The following FAT3 variants were observed in gnomAD, a reference collection of about 807,000 sequenced individuals.
FAT3 encodes FAT atypical cadherin 3, also known as protocadherin Fat 3.
In FAT3, 95 loss-of-function variants were observed where a neutral mutation model predicts 310.2. The observed-to-expected ratio is 0.31, with a 90% confidence interval of 0.26 to 0.36. FAT3 has a LOEUF of 0.36. Ranked by LOEUF, FAT3 falls within the 10% of genes least tolerant of loss-of-function variation. The pLI, the probability that FAT3 is intolerant of heterozygous loss-of-function variation, is 1.00. For synonymous variants in FAT3, 2,314 were observed against 2,192.9 expected (o/e 1.06, Z -1.54); for missense variants, 5,408 against 5,715.6 (o/e 0.95, Z 1.74).
chr11:92,348,186 T>C (rs1948467227), intron 1 of FAT3, among the ~76,000 whole-genome samples: 1 of 152,142 alleles, frequency 6.6e-6, no homozygotes, highest in South Asian at 2.1e-4. Flanking sequence ...TTAAAAGATA[T>C]TTTGTTTTCA....
chr11:92,601,777 T>G (rs1940038691), intron 3 of FAT3, among the ~76,000 whole-genome samples: 1 of 152,178 alleles, frequency 6.6e-6, no homozygotes, highest in South Asian at 2.1e-4. Flanking sequence ...CCGTTTGTCC[T>G]TCTGCACCAG....
chr11:92,690,824 G>A (rs186408398), intron 3 of FAT3, among the ~76,000 whole-genome samples: 2 of 152,270 alleles, frequency 1.3e-5, no homozygotes, highest in African/African-American at 4.8e-5. Context: ...GGGCTGAAGG[G>A]AAAGAGGTGG....
chr11:92,467,866 C>T (rs1296817838), intron 2 of FAT3, among the ~76,000 whole-genome samples: 1 of 152,144 alleles, frequency 6.6e-6, no homozygotes, highest in Non-Finnish European at 1.5e-5. Context: ...AAGTAAAATA[C>T]AAATATTAAC....
intron 1 of FAT3, among the ~76,000 whole-genome samples, chr11:92,229,894 A>T (rs1302108561): frequency 1.3e-5 from 2 of 151,902 alleles, no homozygotes; most frequent in East Asian, 3.9e-4. Flanking sequence ...TCAGAACTTA[A>T]TCAATTAAAC....
At chr11:92,307,291 A>G (rs1947166866) in intron 1 of FAT3, among the ~76,000 whole-genome samples, 1 of 152,048 alleles carries the variant, frequency 6.6e-6, no homozygotes, top group Non-Finnish European at 1.5e-5. Context: ...CACAGAAGAA[A>G]ACAACATCAT....
intron 1 of FAT3, among the ~76,000 whole-genome samples, chr11:92,239,873 C>T (rs1354613262): frequency 6.6e-6 from 1 of 152,040 alleles, no homozygotes; most frequent in Non-Finnish European, 1.5e-5. Context: ...CTTGCCTTTC[C>T]TATTATCTGG....
Position 92,226,228 on chromosome 11 carries a change from C to G in FAT3, c.-18+1054C>G, listed in dbSNP as rs995402173. 1.4e-4 allele frequency among the ~76,000 whole-genome samples: 22 copies of G among 152,292 alleles called. No homozygotes were observed. The East Asian group carries it at 1.7e-3, about 12-fold the overall frequency. On this transcript the variant is annotated intron_variant, in intron 1 of 27. Coordinates refer to ENST00000525166, the MANE Select transcript of FAT3 (RefSeq NM_001367949.2). ...GCTGAGCTAAAGTGCATCTGGCCCC[C>G]CGGCTTGCATGATGGCGAGCCCGGA...
At chr11:92,479,034 C>T (rs1481058928) in intron 2 of FAT3, among the ~76,000 whole-genome samples, 1 of 147,272 alleles carries the variant, frequency 6.8e-6, no homozygotes, top group African/African-American at 2.5e-5. Flanking sequence ...CAGGGTCTTG[C>T]ACTTTTGCCC....
chr11:92,771,449 G>A (rs1946453399), intron 6 of FAT3, among the ~76,000 whole-genome samples: 1 of 152,116 alleles, frequency 6.6e-6, no homozygotes, highest in Admixed American at 6.6e-5. Flanking sequence ...AGGGTTGATG[G>A]TAAACTGCTG....
At chr11:92,752,595 A>G (rs1171868729) in intron 4 of FAT3, among the ~76,000 whole-genome samples, 1 of 152,232 alleles carries the variant, frequency 6.6e-6, no homozygotes, top group Non-Finnish European at 1.5e-5. Flanking sequence ...AATTTAGTAG[A>G]GACAAATATA....
rs775872082 is a variant in FAT3, at chr11:92,799,924, C to T, written c.6911C>T (p.Thr2304Ile). Residue 2304 changes from threonine (T) to isoleucine (I), a missense_variant, in exon 10 of 28, where the codon ACA becomes ATA. Around this residue, in one of 5 missense-constraint regions of FAT3, gnomAD observed 4,588 missense variants for 4,809.8 expected, o/e 0.95. Transcript: ENST00000525166. ...TTLSEASLIG[T>I]PVLQVVSIDA... ...CTATCAGAAGCATCTCTTATTGGGA[C>T]ACCTGTTTTACAAGTTGTCTCTATT... is the stretch of plus-strand genomic sequence containing the variant. 6.2e-6 allele frequency: 10 copies of T among 1,612,608 alleles called. No homozygotes were observed. Among genetic ancestry groups the T allele is most frequent in the Non-Finnish European group, 8.5e-6 (10 of 1,179,288 alleles).
At chr11:92,242,683 T>C (rs910864708) in intron 1 of FAT3, among the ~76,000 whole-genome samples, 2 of 152,036 alleles carry the variant, frequency 1.3e-5, no homozygotes, top group African/African-American at 4.8e-5. Context: ...TGTGTTCTGC[T>C]TGTTCATACA....
chr11:92,752,695 G>A (rs1396594639), intron 4 of FAT3, among the ~76,000 whole-genome samples: 6 of 152,172 alleles, frequency 3.9e-5, no homozygotes, highest in African/African-American at 1.4e-4. Flanking sequence ...AGACCTAAAT[G>A]CTTTAATTCA....
chr11:92,834,609 G>A (rs967972882), intron 14 of FAT3, among the ~76,000 whole-genome samples: 4 of 152,178 alleles, frequency 2.6e-5, no homozygotes, highest in Non-Finnish European at 5.9e-5. Context: ...TTTTCAAGCT[G>A]CCTGAGAGAT....
intron 2 of FAT3, among the ~76,000 whole-genome samples, chr11:92,514,343 A>C (rs1463895212): frequency 1.3e-5 from 2 of 152,300 alleles, no homozygotes; most frequent in African/African-American, 4.8e-5. Flanking sequence ...TGTAAACATA[A>C]GCATACCTCA....
At chr11:92,649,291 T>G (rs575746740) in intron 3 of FAT3, among the ~76,000 whole-genome samples, 420 of 152,306 alleles carry the variant, frequency 2.8e-3, no homozygotes, top group Non-Finnish European at 4.7e-3. Context: ...AGCAGGACTC[T>G]AGAGAGCACC....
intron 13 of FAT3, among the ~76,000 whole-genome samples, chr11:92,827,799 C>A (rs1948139035): frequency 6.6e-6 from 1 of 152,174 alleles, no homozygotes; most frequent in Admixed American, 6.5e-5. Context: ...CTACCTATTA[C>A]TTTCTTTGAG....
chr11:92,616,711 G>T (rs1414763414), intron 3 of FAT3, among the ~76,000 whole-genome samples: 1 of 152,082 alleles, frequency 6.6e-6, no homozygotes, highest in African/African-American at 2.4e-5. Context: ...TTCTGTAAAG[G>T]ATTTTATTTC....
At chr11:92,584,581 G>T (rs10501793) in intron 3 of FAT3, among the ~76,000 whole-genome samples, 35,939 of 151,708 alleles carry the variant, frequency 0.24, 5,469 homozygotes, top group African/African-American at 0.44. Context: ...GGCCATATTA[G>T]TACCATCTAT....
Sources: allele counts gnomAD v4.1 joint callset (sites outside exome capture counted in the v4.1 genomes callset), GRCh38; gene constraint gnomAD v4.1.1; regional missense constraint gnomAD v4.1.1; transcripts MANE v1.5; gene names NCBI Gene and HGNC (gene_info 2026-07-23, HGNC 2026-07-21).